Variants in FSTL5 observed in about 807,000 individuals in gnomAD.
FSTL5 encodes follistatin-related protein 5.
FSTL5 carries 62 observed loss-of-function variants against 89.1 expected under a neutral mutation model. The ratio of observed to expected loss-of-function variants is 0.70; its 90% CI spans 0.57 to 0.86. The LOEUF is 0.86. Ranked by LOEUF, FSTL5 falls within the 40% of genes least tolerant of loss-of-function variation. The probability of loss-of-function intolerance (pLI) is 0.00; values close to 1 mark genes in which losing one functional copy is unlikely to be tolerated. For missense variants in FSTL5, 1,057 were observed against 1,001.6 expected (o/e 1.06, Z -0.75); for synonymous variants, 383 against 346.2 (o/e 1.11, Z -1.18).
rs1484171374 is a variant in FSTL5, at chr4:161,385,511, C to T, written c.*236G>A. 1 of 429,258 alleles carries T rather than the reference C, an allele frequency of 2.3e-6. No homozygotes were observed. Among genetic ancestry groups the T allele is most frequent in the Non-Finnish European group, 4.1e-6 (1 of 243,918 alleles). The allele number at this position is 429,258 out of a possible 1,614,324, so 26.6% of individuals were successfully genotyped here. A position where few individuals can be genotyped will look rare whatever the true frequency, so the allele number is the denominator to read the frequency against. On this transcript the variant is annotated 3_prime_UTR_variant, in exon 16 of 16. Transcript: ENST00000306100. Reference sequence around the variant, plus strand: ...TAAAGCATAATTTACATATTTGATTCTTGTGACTGATGTGATTTCTCATTA... The same window carrying T: ...TAAAGCATAATTTACATATTTGATTTTTGTGACTGATGTGATTTCTCATTA...
At chr4:161,969,620 T>A (rs1735425076) in intron 3 of FSTL5, among the ~76,000 whole-genome samples, 2 of 152,120 alleles carry the variant, frequency 1.3e-5, no homozygotes, top group Admixed American at 1.3e-4. Context: ...AAAAACGAAC[T>A]CATCCTGTAT....
chr4:162,029,385 T>C (rs900202619), intron 3 of FSTL5, among the ~76,000 whole-genome samples: 3 of 152,174 alleles, frequency 2.0e-5, no homozygotes, highest in Non-Finnish European at 4.4e-5. Flanking sequence ...ACTTGTCTCA[T>C]TGAGCTTATA....
At chr4:161,524,482 T>A (rs1263253718) in intron 10 of FSTL5, among the ~76,000 whole-genome samples, 1 of 152,204 alleles carries the variant, frequency 6.6e-6, no homozygotes, top group Non-Finnish European at 1.5e-5. Flanking sequence ...AGAGTTTGAC[T>A]CTTTTCATTG....
chr4:161,989,813 G>A lies in FSTL5; in HGVS notation c.160+43812C>T, dbSNP rs544538817. On this transcript the variant is annotated intron_variant, in intron 3 of 15. Transcript: ENST00000306100. Reference sequence around the variant, plus strand: ...AACCTTATTGTAGTGGGGATTACAGGATACTAAATAGGTCTTAAAACTCAC... The same window carrying A: ...AACCTTATTGTAGTGGGGATTACAGAATACTAAATAGGTCTTAAAACTCAC... 1.5e-4 allele frequency among the ~76,000 whole-genome samples: 23 copies of A among 152,174 alleles called. No individual in the cohort carries two copies. The South Asian group carries it at 2.5e-3, about 16-fold the overall frequency.
chr4:162,094,706 C>A (rs1730681392), intron 2 of FSTL5, among the ~76,000 whole-genome samples: 1 of 151,918 alleles, frequency 6.6e-6, no homozygotes, highest in Non-Finnish European at 1.5e-5. Context: ...GAGTAGTTGC[C>A]CTCAGAAGAT....
At position 161,871,813 on chromosome 4, in the gene FSTL5, G is replaced by T. The variant is rs528341253; in HGVS notation, c.409+48591C>A. 2.6e-5 allele frequency among the ~76,000 whole-genome samples: 4 copies of T among 152,128 alleles called. No individual in the cohort carries two copies. The East Asian group carries it at 7.7e-4, about 29-fold the overall frequency. On this transcript the variant is annotated intron_variant, in intron 4 of 15. Coordinates refer to ENST00000306100, the MANE Select transcript of FSTL5 (RefSeq NM_020116.5). ...CTGCATCTATTAACTGTGTGACTTT[G>T]GGCAGGGAATAAATTTTACCATACC...
intron 3 of FSTL5, among the ~76,000 whole-genome samples, chr4:162,020,002 T>TTAA (rs10694574): frequency 0.097 from 14,699 of 151,016 alleles, 835 homozygotes; most frequent in Non-Finnish European, 0.13. Flanking sequence ...TGATTTAGAC[T>TTAA]TGAGCATCTA....
chr4:161,775,482 T>A (rs1419801158), intron 5 of FSTL5, among the ~76,000 whole-genome samples: 1 of 152,198 alleles, frequency 6.6e-6, no homozygotes, highest in African/African-American at 2.4e-5. Context: ...TTGTTATAAA[T>A]GTGCTCAGTT....
At chr4:161,524,390 T>A (rs1731139203) in intron 10 of FSTL5, among the ~76,000 whole-genome samples, 1 of 152,106 alleles carries the variant, frequency 6.6e-6, no homozygotes, top group African/African-American at 2.4e-5. Context: ...CCGGGGCACA[T>A]CTTCTCATGA....
chr4:161,874,033 G>C (rs1482730517), intron 4 of FSTL5, among the ~76,000 whole-genome samples: 3 of 151,948 alleles, frequency 2.0e-5, no homozygotes, highest in Non-Finnish European at 4.4e-5. Context: ...TATATGGAAG[G>C]TATTATTCTC....
At chr4:161,899,023 G>C (rs1454151203) in intron 4 of FSTL5, among the ~76,000 whole-genome samples, 2 of 152,108 alleles carry the variant, frequency 1.3e-5, no homozygotes, top group African/African-American at 4.8e-5. Context: ...CTTTCGGGAA[G>C]ATGCTTCTCC....
At chr4:161,393,608 A>G (rs898291324) in intron 15 of FSTL5, among the ~76,000 whole-genome samples, 1 of 152,134 alleles carries the variant, frequency 6.6e-6, no homozygotes, top group African/African-American at 2.4e-5. Flanking sequence ...TGCCAGAAGG[A>G]AAGGGCAAAT....
At chr4:161,824,982 G>T (rs924495392) in intron 4 of FSTL5, among the ~76,000 whole-genome samples, 6 of 152,112 alleles carry the variant, frequency 3.9e-5, no homozygotes, top group African/African-American at 1.4e-4. Flanking sequence ...ATTCTCAGAG[G>T]AATGCTTTCA....
At chr4:161,516,754 CACACA>C (rs1187961686) in intron 10 of FSTL5, among the ~76,000 whole-genome samples, 3 of 137,050 alleles carry the variant, frequency 2.2e-5, no homozygotes, top group Admixed American at 7.3e-5. Flanking sequence ...CACACACACA[CACACA>C]ATTTTTTTTT....
chr4:161,839,616 C>T (rs1281659870), intron 4 of FSTL5, among the ~76,000 whole-genome samples: 1 of 152,136 alleles, frequency 6.6e-6, no homozygotes, highest in Admixed American at 6.6e-5. Context: ...CATGTATATA[C>T]TGTTGGTTCA....
At chr4:161,514,209 T>C (rs1365446002) in intron 10 of FSTL5, among the ~76,000 whole-genome samples, 1 of 151,370 alleles carries the variant, frequency 6.6e-6, no homozygotes, top group Admixed American at 6.6e-5. Flanking sequence ...CAATGGATGA[T>C]TGGATAAATA....
At chr4:161,670,387 C>T (rs1737057521) in intron 6 of FSTL5, among the ~76,000 whole-genome samples, 1 of 151,996 alleles carries the variant, frequency 6.6e-6, no homozygotes, top group African/African-American at 2.4e-5. Flanking sequence ...TCAAGGAAAC[C>T]CCAGGACATT....
At chr4:161,420,044 T>C (rs1392641779) in intron 15 of FSTL5, among the ~76,000 whole-genome samples, 3 of 152,160 alleles carry the variant, frequency 2.0e-5, no homozygotes, top group African/African-American at 7.2e-5. Flanking sequence ...TGCTCTGCAA[T>C]GGAGGTAAGA....
chr4:161,936,541 T>C (rs1734438030), intron 3 of FSTL5, among the ~76,000 whole-genome samples: 1 of 152,120 alleles, frequency 6.6e-6, no homozygotes, highest in South Asian at 2.1e-4. Context: ...AACTTTGTGG[T>C]TGGTAAAGCT....
Sources: allele counts gnomAD v4.1 joint callset (sites outside exome capture counted in the v4.1 genomes callset), GRCh38; gene constraint gnomAD v4.1.1; transcripts MANE v1.5; gene names NCBI Gene and HGNC (gene_info 2026-07-23, HGNC 2026-07-21).